FUBP1: variants seen among roughly 807,000 people sequenced by gnomAD.
FUBP1 encodes far upstream element binding protein 1, also known as far upstream element-binding protein 1.
In FUBP1, 16 loss-of-function variants were observed where a neutral mutation model predicts 94.9. That is an observed-to-expected ratio of 0.17 (90% CI 0.11 to 0.26). The LOEUF is 0.26. Ranked by LOEUF, FUBP1 falls within the 10% of genes least tolerant of loss-of-function variation. The pLI is 1.00. For synonymous variants in FUBP1, 279 were observed against 254.9 expected (o/e 1.09, Z -0.90); for missense variants, 583 against 808.6 (o/e 0.72, Z 3.38).
intron 17 of FUBP1, chr1:77,955,556 T>C (rs988773582): frequency 7.2e-5 from 32 of 442,700 alleles, no homozygotes; most frequent in African/African-American, 4.3e-4. Flanking sequence ...ACTGGTTATG[T>C]TGAACATATA....
rs545326906 is a variant in FUBP1, at chr1:77,946,014, T to C, written c.*2752A>G. Reference sequence around the variant, plus strand: ...CCTTCTTCAGCATATAACTTTTGTCTAAGAAAAAAATCATAATAAAATTCT... The same window carrying C: ...CCTTCTTCAGCATATAACTTTTGTCCAAGAAAAAAATCATAATAAAATTCT... On this transcript the variant is annotated 3_prime_UTR_variant, in exon 20 of 20. Transcript: ENST00000370768. 3 of 197,800 alleles carry C rather than the reference T, an allele frequency of 1.5e-5. No individual in the cohort carries two copies. Among genetic ancestry groups the C allele is most frequent in the Admixed American group, 1.2e-4 (2 of 16,504 alleles). The allele number at this position is 197,800 out of a possible 1,614,324, so 12.3% of individuals were successfully genotyped here.
chr1:77,962,720 C>CTA, intron 14 of FUBP1, 50 bp downstream of exon 14: 1 of 1,169,986 alleles, frequency 8.5e-7, no homozygotes, highest in Non-Finnish European at 1.2e-6. Context: ...CTTAATTTAA[C>CTA]TACAGTCTAA....
intron 1 of FUBP1, among the ~76,000 whole-genome samples, chr1:77,974,878 T>C (rs573687447): frequency 6.6e-6 from 1 of 152,352 alleles, no homozygotes; most frequent in East Asian, 1.9e-4. Flanking sequence ...TGATCAACTA[T>C]AGTCCCTCAG....
At chr1:77,963,896 G>A (rs1655998809) in intron 12 of FUBP1, among the ~76,000 whole-genome samples, 166 bp downstream of exon 12, 1 of 152,100 alleles carries the variant, frequency 6.6e-6, no homozygotes, top group African/African-American at 2.4e-5. Context: ...AGCACTTAAG[G>A]TAGTAGTTCT....
rs770681075 is a variant in FUBP1 at position 77,964,635 on chromosome 1, T to C, written c.837+11A>G. On this transcript the variant is annotated intron_variant, in intron 10 of 19. Coordinates refer to ENST00000370768, the MANE Select transcript of FUBP1 (RefSeq NM_003902.5). ...GCATACAACCATTTCTGAATGGGTA[T>C]TTTTACTTACATCTATCCCTTCATT... 9 of 1,456,850 alleles carry C rather than the reference T, an allele frequency of 6.2e-6. No homozygotes were observed. In the Admixed American group the frequency reaches 1.3e-4, roughly 22 times the overall value. The allele number at this position is 1,456,850 out of a possible 1,614,324, so 90.2% of individuals were successfully genotyped here.
At position 77,972,471 on chromosome 1, in the gene FUBP1, G is replaced by A. The variant is rs191789067; in HGVS notation, c.121-2456C>T. Reference sequence around the variant, plus strand: ...ATGAAAATGAAAGCTGAGGCCAGGCGTGGTGGCTCATGCCTGTAATCCCAG... The same window carrying A: ...ATGAAAATGAAAGCTGAGGCCAGGCATGGTGGCTCATGCCTGTAATCCCAG... On this transcript the variant is annotated intron_variant, in intron 1 of 19. Transcript: ENST00000370768. Among the ~76,000 whole-genome samples, 937 of 151,882 alleles carry A rather than the reference G, an allele frequency of 6.2e-3. 10 individuals carry two copies. The highest frequency in any genetic ancestry group is 0.021 in the African/African-American group (881 of 41,394).
chr1:77,944,817 A>C lies in FUBP1; in HGVS notation c.*3949T>G, dbSNP rs1452320034. ...ACAATGTTTATAAACAACTAGTATC[A>C]AATTACTAGTTTTAGTATTAAAACC... is the stretch of plus-strand genomic sequence containing the variant. On this transcript the variant is annotated 3_prime_UTR_variant, in exon 20 of 20. Transcript: ENST00000370768. 2.6e-5 allele frequency among the ~76,000 whole-genome samples: 4 copies of C among 152,028 alleles called. No homozygotes were observed. Among genetic ancestry groups the C allele is most frequent in the Admixed American group, 6.6e-5 (1 of 15,252 alleles).
chr1:77,967,805 A>G, intron 3 of FUBP1, 139 bp from the exon 4 acceptor site: 1 of 582,882 alleles, frequency 1.7e-6, no homozygotes, highest in Non-Finnish European at 3.0e-6. Context: ...CAAATTTTTT[A>G]CACAATATTT....
At chr1:77,954,874 C>T (rs1254761370) in intron 18 of FUBP1, among the ~76,000 whole-genome samples, 4 of 152,162 alleles carry the variant, frequency 2.6e-5, no homozygotes, top group African/African-American at 4.8e-5. Flanking sequence ...GGTTACTTTC[C>T]GTCACTGCAG....
rs2102199446 is a variant in FUBP1, at chr1:77,945,001, A to C, written c.*3765T>G. Among the ~76,000 whole-genome samples the C allele has an allele frequency of 6.6e-6, 1 of 152,154 alleles. No individual in the cohort carries two copies. The highest frequency in any genetic ancestry group is 6.5e-5 in the Admixed American group (1 of 15,282). On this transcript the variant is annotated 3_prime_UTR_variant, in exon 20 of 20. Transcript: ENST00000370768. Reference sequence around the variant, plus strand: ...AAATAAGTCAGTTCAGTTTCAATCTAAACTATACATTGTTTCTAACACTAA... The same window carrying C: ...AAATAAGTCAGTTCAGTTTCAATCTCAACTATACATTGTTTCTAACACTAA...
intron 2 of FUBP1, among the ~76,000 whole-genome samples, chr1:77,969,684 A>G (rs896636161): frequency 6.6e-6 from 1 of 152,096 alleles, no homozygotes; most frequent in Admixed American, 6.6e-5. Context: ...AAAAGAGGGA[A>G]AATAAATTGT....
chr1:77,964,767 C>T lies in FUBP1; in HGVS notation c.736-20G>A. Reference sequence around the variant, plus strand: ...GGCTTGCTAAAGCAGAAAAAGTTAGCTAATTTAGAAAGCATGTCTCAAAAC... The same window carrying T: ...GGCTTGCTAAAGCAGAAAAAGTTAGTTAATTTAGAAAGCATGTCTCAAAAC... On this transcript the variant is annotated intron_variant, in intron 9 of 19. Transcript: ENST00000370768. 2 of 1,571,120 alleles carry T rather than the reference C, an allele frequency of 1.3e-6. No homozygotes were observed. The highest frequency in any genetic ancestry group is 4.5e-5 in the East Asian group (2 of 44,656).
intron 1 of FUBP1, among the ~76,000 whole-genome samples, chr1:77,975,905 T>G (rs1375358496): frequency 6.6e-6 from 1 of 151,564 alleles, no homozygotes; most frequent in Non-Finnish European, 1.5e-5. Flanking sequence ...GGCAACTAAA[T>G]GACCAGATGT....
At chr1:77,961,457 A>G (rs1431031082) in intron 14 of FUBP1, among the ~76,000 whole-genome samples, 1 of 152,214 alleles carries the variant, frequency 6.6e-6, no homozygotes, top group African/African-American at 2.4e-5. Flanking sequence ...AAAAGTAGCA[A>G]CATTTTTTAG....
chr1:77,963,262 A>G (rs1655851322), intron 13 of FUBP1, among the ~76,000 whole-genome samples: 1 of 152,222 alleles, frequency 6.6e-6, no homozygotes. Context: ...TTTTTAAAAT[A>G]TGAGTCGGGA....
intron 1 of FUBP1, 63 bp from the exon 2 acceptor site, chr1:77,970,078 C>A (rs2102456908): frequency 1.4e-6 from 1 of 737,488 alleles, no homozygotes; most frequent in Non-Finnish European, 2.2e-6. Context: ...CTAAATTACC[C>A]CCATTTACTT....
chr1:77,950,326 T>C (rs1227470533), intron 18 of FUBP1, among the ~76,000 whole-genome samples: 3 of 152,054 alleles, frequency 2.0e-5, no homozygotes, highest in Non-Finnish European at 2.9e-5. Context: ...CTAGCTGACA[T>C]TTTTCTCTTT....
At chr1:77,967,297 A>G (rs1571324501) in intron 4 of FUBP1, among the ~76,000 whole-genome samples, 196 bp from the exon 5 acceptor site, 1 of 152,254 alleles carries the variant, frequency 6.6e-6, no homozygotes, top group East Asian at 1.9e-4. Context: ...TGACACATCA[A>G]GTGAAGAAGG....
At chr1:77,950,693 G>T (rs1426573291) in intron 18 of FUBP1, among the ~76,000 whole-genome samples, 1 of 151,926 alleles carries the variant, frequency 6.6e-6, no homozygotes, top group East Asian at 1.9e-4. Context: ...ATTTTATTTC[G>T]TTTGTAACTC....
Sources: gnomAD v4.1 joint callset for allele counts (sites outside exome capture counted in the v4.1 genomes callset) on GRCh38, gnomAD v4.1.1 for gene constraint, MANE v1.5 for transcripts, NCBI Gene and HGNC (gene_info 2026-07-23, HGNC 2026-07-21) for gene names.